The following PINX1 variants were observed in gnomAD, a reference collection of about 807,000 sequenced individuals.
PINX1 encodes the protein PIN2 (TERF1) interacting telomerase inhibitor 1, also known as PIN2/TERF1-interacting telomerase inhibitor 1.
A neutral mutation model predicts 25.4 loss-of-function variants in PINX1; 34 were observed. The observed-to-expected ratio is 1.34, with a 90% confidence interval of 1.02 to 1.78. The LOEUF (loss-of-function observed/expected upper bound fraction) is 1.78, where lower values mean the gene tolerates loss of function less well. Among genes scored for constraint, PINX1 ranks in the 40% most tolerant of loss-of-function variants. PINX1 has a pLI of 0.00. For missense variants in PINX1, 592 were observed against 404.9 expected (o/e 1.46, Z -3.97); for synonymous variants, 197 against 147.7 (o/e 1.33, Z -2.42).
At chr8:10,828,730 G>A (rs1191510956) in intron 4 of PINX1, among the ~76,000 whole-genome samples, 1 of 152,126 alleles carries the variant, frequency 6.6e-6, no homozygotes, top group African/African-American at 2.4e-5. Context: ...GAAACTGCTC[G>A]GAGTCTGACT....
At chr8:10,805,051 T>C (rs2129081000) in intron 6 of PINX1, among the ~76,000 whole-genome samples, 1 of 152,158 alleles carries the variant, frequency 6.6e-6, no homozygotes, top group South Asian at 2.1e-4. Context: ...ACAAATACAG[T>C]TTCCACTAAT....
At chr8:10,794,924 T>C (rs1052988875) in intron 6 of PINX1, among the ~76,000 whole-genome samples, 1 of 152,186 alleles carries the variant, frequency 6.6e-6, no homozygotes, top group Non-Finnish European at 1.5e-5. Context: ...AAGCTTCCCA[T>C]CTGTGTCAGA....
chr8:10,774,777 C>G (rs1801336967), intron 6 of PINX1, among the ~76,000 whole-genome samples: 2 of 152,166 alleles, frequency 1.3e-5, no homozygotes, highest in Admixed American at 1.3e-4. Flanking sequence ...CATACTCTTT[C>G]TTTCACCAGA....
At chr8:10,801,371 TAA>T (rs763100023) in intron 6 of PINX1, among the ~76,000 whole-genome samples, 1 of 152,214 alleles carries the variant, frequency 6.6e-6, no homozygotes, top group Non-Finnish European at 1.5e-5. Flanking sequence ...CTTTATGCCT[TAA>T]AGAGTCTCCA....
chr8:10,804,650 G>T (rs1312571926), intron 6 of PINX1, among the ~76,000 whole-genome samples: 1 of 151,910 alleles, frequency 6.6e-6, no homozygotes, highest in African/African-American at 2.4e-5. Context: ...CAATTTAGGG[G>T]TCATAATGAT....
chr8:10,825,430 T>C (rs761290602), intron 5 of PINX1: 2 of 534,844 alleles, frequency 3.7e-6, no homozygotes, highest in East Asian at 5.4e-5. Context: ...AGTAGGTTTC[T>C]AATTCATGAT....
intron 6 of PINX1, among the ~76,000 whole-genome samples, chr8:10,775,313 C>T (rs1586135786): frequency 6.6e-6 from 1 of 151,988 alleles, no homozygotes; most frequent in South Asian, 2.1e-4. Context: ...GCATTGTTTG[C>T]AGTTCTGAAC....
intron 6 of PINX1, among the ~76,000 whole-genome samples, chr8:10,813,787 G>A (rs974090076): frequency 1.3e-5 from 2 of 151,916 alleles, no homozygotes; most frequent in South Asian, 2.1e-4. Flanking sequence ...TGAGAATGCT[G>A]GTAACACATT....
At chr8:10,797,753 C>G (rs1159036639) in intron 6 of PINX1, among the ~76,000 whole-genome samples, 1 of 152,144 alleles carries the variant, frequency 6.6e-6, no homozygotes, top group African/African-American at 2.4e-5. Context: ...AAGAAAACAG[C>G]TTATTTTCAG....
At chr8:10,789,303 T>C (rs918976120) in intron 6 of PINX1, among the ~76,000 whole-genome samples, 1 of 152,178 alleles carries the variant, frequency 6.6e-6, no homozygotes, top group African/African-American at 2.4e-5. Flanking sequence ...AAGGTATAAG[T>C]GACAGAGGAA....
chr8:10,823,075 C>T, intron 5 of PINX1, among the ~76,000 whole-genome samples: 1 of 152,146 alleles, frequency 6.6e-6, no homozygotes, highest in East Asian at 1.9e-4. Context: ...GTGAGTGACA[C>T]AGGTCAGACC....
At chr8:10,826,365 T>C (rs144818322) in intron 4 of PINX1, 121 bp from the exon 5 acceptor site, 3 of 573,152 alleles carry the variant, frequency 5.2e-6, no homozygotes, top group Non-Finnish European at 9.1e-6. Flanking sequence ...TTGAACTCTT[T>C]CATTCATTTG....
chr8:10,767,456 A>G (rs924930567), intron 6 of PINX1, among the ~76,000 whole-genome samples: 3 of 152,222 alleles, frequency 2.0e-5, no homozygotes, highest in Non-Finnish European at 4.4e-5. Flanking sequence ...AATAGGCAGA[A>G]CATGAAGAAT....
intron 6 of PINX1, among the ~76,000 whole-genome samples, chr8:10,819,090 C>A (rs1183726135): frequency 6.6e-6 from 1 of 152,188 alleles, no homozygotes; most frequent in Non-Finnish European, 1.5e-5. Context: ...CAGCATAGTC[C>A]GCGCAGGCAC....
chr8:10,830,663 G>T (rs1798201653), intron 4 of PINX1, among the ~76,000 whole-genome samples: 1 of 152,126 alleles, frequency 6.6e-6, no homozygotes, highest in Admixed American at 6.5e-5. Flanking sequence ...AATGGGCAAA[G>T]TACTTAGACA....
chr8:10,798,298 G>C (rs899291994), intron 6 of PINX1, among the ~76,000 whole-genome samples: 7 of 152,234 alleles, frequency 4.6e-5, no homozygotes, highest in Non-Finnish European at 7.3e-5. Flanking sequence ...GAGCAGCACA[G>C]GCTCCAGCCT....
rs1563196998 is a variant in PINX1, at chr8:10,765,476, T to G, written c.912A>C (p.Lys304Asn). ...TAGCGTCCTCTGCTATCTCTACTGG[T>G]TTTTGCAGCTTTTTCTTCCCTCTCC... is the stretch of plus-strand genomic sequence containing the variant. ...KKRRGKKKLQ[K>N]PVEIAEDATL... The change falls in exon 7 of 7, where the codon AAA becomes AAC. Residue 304 changes from lysine (K) to asparagine (N), a missense_variant. Transcript: ENST00000314787. The G allele has an allele frequency of 1.2e-6, 2 of 1,613,390 alleles. No homozygotes were observed. The highest frequency in any genetic ancestry group is 1.7e-6 in the Non-Finnish European group (2 of 1,179,880).
intron 6 of PINX1, among the ~76,000 whole-genome samples, chr8:10,802,334 G>A (rs1802291787): frequency 6.6e-6 from 1 of 152,044 alleles, no homozygotes; most frequent in Admixed American, 6.6e-5. Context: ...CTCATACACT[G>A]ATACACTCAT....
At chr8:10,805,578 G>GA (rs1296669857) in intron 6 of PINX1, among the ~76,000 whole-genome samples, 8 of 137,252 alleles carry the variant, frequency 5.8e-5, no homozygotes, top group African/African-American at 1.1e-4. Context: ...AGTGCTGAGG[G>GA]GGTGACAGAG....
Sources: allele counts gnomAD v4.1 joint callset (sites outside exome capture counted in the v4.1 genomes callset), GRCh38; gene constraint gnomAD v4.1.1; transcripts MANE v1.5; gene names NCBI Gene and HGNC (gene_info 2026-07-23, HGNC 2026-07-21).